The following CGNL1 variants were observed in gnomAD, a reference collection of about 807,000 sequenced individuals.
CGNL1 encodes cingulin-like protein 1.
A neutral mutation model predicts 141.2 loss-of-function variants in CGNL1; 132 were observed. The observed-to-expected ratio is 0.93, with a 90% CI of 0.81 to 1.08. The LOEUF (loss-of-function observed/expected upper bound fraction) is 1.08. Among genes scored for constraint, CGNL1 ranks in the 50% least tolerant of loss-of-function variants. The pLI, the probability that CGNL1 is intolerant of heterozygous loss-of-function variation, is 0.00. For missense variants in CGNL1, 1,870 were observed against 1,588.6 expected (o/e 1.18, Z -3.01); for synonymous variants, 690 against 622.1 (o/e 1.11, Z -1.63).
chr15:57,426,226 C>T (rs879543394), intron 1 of CGNL1, among the ~76,000 whole-genome samples: 1 of 152,072 alleles, frequency 6.6e-6, no homozygotes, highest in Non-Finnish European at 1.5e-5. Flanking sequence ...CTCACTGCAA[C>T]CTCTGCCTCC....
At chr15:57,464,251 AG>A (rs2063481852) in intron 8 of CGNL1, among the ~76,000 whole-genome samples, 1 of 152,054 alleles carries the variant, frequency 6.6e-6, no homozygotes, top group Non-Finnish European at 1.5e-5. Flanking sequence ...TCTCTGCTCC[AG>A]CTTAGAGTTG....
At chr15:57,422,800 T>C (rs1196367167) in intron 1 of CGNL1, among the ~76,000 whole-genome samples, 5 of 152,162 alleles carry the variant, frequency 3.3e-5, no homozygotes, top group Admixed American at 6.5e-5. Flanking sequence ...TATTGTTGCA[T>C]TACTGGTGTA....
rs188348116 is a variant in CGNL1 at position 57,458,054 on chromosome 15, C to T, written c.2191-3626C>T. On this transcript the variant is annotated intron_variant, in intron 7 of 18. Coordinates refer to ENST00000281282, the MANE Select transcript of CGNL1 (RefSeq NM_032866.5). ...TAGGCATGTTAGAATCTCAGAGCTTCGTTCGTTTATGAAGAATAGTAATCT... is the reference window on the plus strand; with the variant it reads ...TAGGCATGTTAGAATCTCAGAGCTTTGTTCGTTTATGAAGAATAGTAATCT... Among the ~76,000 whole-genome samples the T allele has an allele frequency of 5.9e-3, 903 of 152,250 alleles. 2 individuals carry two copies. The highest frequency in any genetic ancestry group is 9.0e-3 in the Non-Finnish European group (609 of 68,022).
chr15:57,547,176 G>T (rs1023751780), intron 18 of CGNL1, among the ~76,000 whole-genome samples, 179 bp from the exon 19 acceptor site: 1 of 152,226 alleles, frequency 6.6e-6, no homozygotes, highest in African/African-American at 2.4e-5. Context: ...CGAAATGGGG[G>T]CGGTGGACTC....
intron 8 of CGNL1, chr15:57,478,068 T>C (rs2063678941): frequency 6.6e-6 from 1 of 152,100 alleles, no homozygotes. Context: ...CAAAATAACT[T>C]CTTGTTTTGA....
chr15:57,448,460 T>C (rs1185893137), intron 4 of CGNL1, among the ~76,000 whole-genome samples: 3 of 151,958 alleles, frequency 2.0e-5, no homozygotes, highest in African/African-American at 7.3e-5. Context: ...ATCATCCTGG[T>C]CAACATGGTG....
chr15:57,405,360 C>T (rs1418172210), intron 1 of CGNL1, among the ~76,000 whole-genome samples: 1 of 152,174 alleles, frequency 6.6e-6, no homozygotes, highest in Non-Finnish European at 1.5e-5. Context: ...TCTGATTTCT[C>T]CCATCACTCT....
intron 1 of CGNL1, among the ~76,000 whole-genome samples, chr15:57,417,714 TG>T (rs34213681): frequency 2.6e-5 from 4 of 151,738 alleles, no homozygotes; most frequent in Non-Finnish European, 4.4e-5. Flanking sequence ...CCAGATATAC[TG>T]GGGGGAAAAG....
intron 9 of CGNL1, among the ~76,000 whole-genome samples, chr15:57,517,939 G>A (rs1211620624): frequency 6.6e-6 from 1 of 151,202 alleles, no homozygotes; most frequent in Non-Finnish European, 1.5e-5. Context: ...TGTGTGTGGG[G>A]GTCCATTCAA....
chr15:57,528,967 T>A, intron 13 of CGNL1, 152 bp downstream of exon 13: 1 of 732,682 alleles, frequency 1.4e-6, no homozygotes, highest in South Asian at 1.9e-5. Flanking sequence ...ATTTCTTGAT[T>A]GAAGGAAGGG....
intron 1 of CGNL1, among the ~76,000 whole-genome samples, chr15:57,394,586 A>G (rs1363404895): frequency 6.6e-6 from 1 of 152,200 alleles, no homozygotes; most frequent in Non-Finnish European, 1.5e-5. Flanking sequence ...AATTCATGAG[A>G]ATTGAGCCAT....
At chr15:57,490,718 G>C (rs997406578) in intron 8 of CGNL1, among the ~76,000 whole-genome samples, 5 of 152,160 alleles carry the variant, frequency 3.3e-5, no homozygotes, top group African/African-American at 1.2e-4. Flanking sequence ...ATTCCTTCCA[G>C]AGTGTACAGG....
intron 1 of CGNL1, among the ~76,000 whole-genome samples, chr15:57,426,444 C>T (rs1462714585): frequency 7.6e-6 from 1 of 132,394 alleles, no homozygotes; most frequent in East Asian, 2.6e-4. Context: ...CACACCAGGC[C>T]ACATTTTTTT....
chr15:57,544,200 T>C (rs2032724378), intron 15 of CGNL1, among the ~76,000 whole-genome samples: 1 of 152,246 alleles, frequency 6.6e-6, no homozygotes, highest in Admixed American at 6.5e-5. Context: ...CAAAGCCCGT[T>C]TGACATCCGG....
chr15:57,509,082 G>GA (rs1405470617), intron 8 of CGNL1, among the ~76,000 whole-genome samples: 1 of 152,168 alleles, frequency 6.6e-6, no homozygotes, highest in Non-Finnish European at 1.5e-5. Flanking sequence ...TCAGAGTGAG[G>GA]AAGGGACGCA....
chr15:57,545,175 G>A (rs551298981), intron 16 of CGNL1, among the ~76,000 whole-genome samples: 2 of 152,318 alleles, frequency 1.3e-5, no homozygotes, highest in African/African-American at 4.8e-5. Context: ...CTGACTCACA[G>A]CCCCTCACCT....
In CGNL1 at chr15:57,378,631, C is replaced by T. The variant is rs1325814944; in HGVS notation, c.-16+2064C>T. Reference sequence around the variant, plus strand: ...CTCCTGACCTCAGGTGATCTGCCCACCTCGGCCTCTCAAAGTGCTGGGATT... The same window carrying T: ...CTCCTGACCTCAGGTGATCTGCCCATCTCGGCCTCTCAAAGTGCTGGGATT... On this transcript the variant is annotated intron_variant, in intron 1 of 18. Transcript: ENST00000281282. Among the ~76,000 whole-genome samples, 8 of 152,004 alleles carry T rather than the reference C, an allele frequency of 5.3e-5. No individual in the cohort carries two copies. In the East Asian group the frequency reaches 7.7e-4, roughly 15 times the overall value.
intron 1 of CGNL1, among the ~76,000 whole-genome samples, chr15:57,422,326 T>G (rs1274565827): frequency 5.9e-5 from 9 of 152,138 alleles, no homozygotes. Context: ...AGGGTAAATT[T>G]GTCCAGGGCT....
intron 1 of CGNL1, among the ~76,000 whole-genome samples, chr15:57,429,781 C>A (rs2152294418): frequency 6.6e-6 from 1 of 152,296 alleles, no homozygotes; most frequent in Non-Finnish European, 1.5e-5. Flanking sequence ...TTCTTGTGCC[C>A]ATAAATGCTA....
Sources: allele counts gnomAD v4.1 joint callset (sites outside exome capture counted in the v4.1 genomes callset), GRCh38; gene constraint gnomAD v4.1.1; transcripts MANE v1.5; gene names NCBI Gene and HGNC (gene_info 2026-07-23, HGNC 2026-07-21).